SLC34A2: variants seen among roughly 807,000 people sequenced by gnomAD.
SLC34A2 encodes the protein solute carrier family 34 member 2.
SLC34A2 carries 41 observed loss-of-function variants against 50.8 expected under a neutral mutation model. The observed-to-expected ratio is 0.81, with a 90% CI of 0.63 to 1.05. SLC34A2 has a LOEUF of 1.05. Among genes scored for constraint, SLC34A2 ranks in the 50% least tolerant of loss-of-function variants. SLC34A2 has a pLI of 0.00. For missense variants in SLC34A2, 879 were observed against 876.7 expected, an observed-to-expected ratio of 1.00 and a Z score of -0.03; for synonymous variants, 401 against 364.2, an observed-to-expected ratio of 1.10 and a Z score of -1.15.
At chr4:25,673,849 G>A (rs1351339293) in intron 10 of SLC34A2, among the ~76,000 whole-genome samples, 2 of 152,194 alleles carry the variant, frequency 1.3e-5, no homozygotes, top group Admixed American at 1.3e-4. Context: ...GGAAATGCAG[G>A]GCCTGATCCG....
In SLC34A2 at chr4:25,676,427, C is replaced by G. The variant is rs758313049; in HGVS notation, c.1751C>G (p.Pro584Arg). Residue 584 changes from proline (P) to arginine (R), a missense_variant, in exon 13 of 13, where the codon CCG (proline) becomes CGG (arginine). Physicochemically the swap from Pro to Arg is moderately radical, Grantham distance 103. Coordinates refer to ENST00000382051, the MANE Select transcript of SLC34A2 (RefSeq NM_006424.3). Reference sequence around the variant, plus strand: ...CAGTCTCGCTGCCCACGCGTCCTGCCGAAGAAACTCCAGAACTGGAACTTC... The same window carrying G: ...CAGTCTCGCTGCCCACGCGTCCTGCGGAAGAAACTCCAGAACTGGAACTTC... ...LLQSRCPRVL[P>R]KKLQNWNFLP... The G allele has an allele frequency of 6.2e-6, 10 of 1,613,938 alleles. No homozygotes were observed. Among genetic ancestry groups the G allele is most frequent in the Admixed American group, 3.3e-5 (2 of 59,998 alleles).
chr4:25,667,100 A>C (rs538966855), intron 5 of SLC34A2: 1 of 152,370 alleles, frequency 6.6e-6, no homozygotes, highest in South Asian at 2.1e-4. Context: ...AGTTAGAAAA[A>C]GGTATTACAC....
At chr4:25,673,539 C>T (rs1484399754) in intron 10 of SLC34A2, among the ~76,000 whole-genome samples, 1 of 152,090 alleles carries the variant, frequency 6.6e-6, no homozygotes, top group African/African-American at 2.4e-5. Context: ...TTCCTGTATG[C>T]TCAGAGCTTT....
intron 7 of SLC34A2, 90 bp from the exon 8 acceptor site, chr4:25,670,648 T>C: frequency 4.2e-6 from 4 of 951,530 alleles, no homozygotes; most frequent in Non-Finnish European, 6.7e-6. Flanking sequence ...ATTTATCTCC[T>C]TAGAGCCCCT....
At chr4:25,664,942 C>T (rs964857901) in intron 4 of SLC34A2, 1 of 231,926 alleles carries the variant, frequency 4.3e-6, no homozygotes, top group Middle Eastern at 1.3e-3. Flanking sequence ...AACATTCTTT[C>T]CCAGAGCCCT....
chr4:25,662,447 G>A lies in SLC34A2; in HGVS notation c.-3-51G>A, dbSNP rs60286158. On this transcript the variant is annotated intron_variant, in intron 1 of 12. Coordinates refer to ENST00000382051, the MANE Select transcript of SLC34A2 (RefSeq NM_006424.3). ...ATGGTTCTTCCTCTTATAGCATCTC[G>A]GTGTGCCTCCTTTCCATGACTGCTG... 3.7e-3 allele frequency: 5,554 copies of A among 1,500,042 alleles called. 163 individuals carry two copies. In the African/African-American group the frequency reaches 0.065, roughly 18 times the overall value. 92.9% of individuals were successfully genotyped at this position (1,500,042 alleles called of 1,614,324 possible). A position where few individuals can be genotyped will look rare whatever the true frequency, so the allele number is the denominator to read the frequency against.
chr4:25,658,921 C>A (rs1577487943), intron 1 of SLC34A2, among the ~76,000 whole-genome samples: 1 of 147,270 alleles, frequency 6.8e-6, no homozygotes, highest in East Asian at 2.1e-4. Context: ...ACCCACCCCA[C>A]CCCCACCACC....
chr4:25,665,427 C>A (rs180724397), intron 4 of SLC34A2, among the ~76,000 whole-genome samples: 2 of 152,144 alleles, frequency 1.3e-5, no homozygotes, highest in East Asian at 3.9e-4. Context: ...CTCCGCCTCC[C>A]GAAGTGCTGG....
chr4:25,662,935 T>A, intron 3 of SLC34A2, 93 bp downstream of exon 3: 1 of 1,456,210 alleles, frequency 6.9e-7, no homozygotes, highest in South Asian at 1.2e-5. Flanking sequence ...TTCATTGTTC[T>A]GATTCCCTTG....
At chr4:25,675,129 T>G (rs1267273246) in intron 12 of SLC34A2, among the ~76,000 whole-genome samples, 1 of 152,076 alleles carries the variant, frequency 6.6e-6, no homozygotes, top group Admixed American at 6.6e-5. Context: ...CCTCCCAGGT[T>G]CAAGTGATTT....
intron 4 of SLC34A2, 60 bp downstream of exon 4, chr4:25,664,390 G>C (rs976379621): frequency 1.9e-6 from 3 of 1,600,508 alleles, no homozygotes; most frequent in South Asian, 1.1e-5. Context: ...ATGTGGTTCC[G>C]AGAGTAAAAC....
At position 25,676,808 on chromosome 4, in the gene SLC34A2, C is replaced by A; in HGVS notation, c.*59C>A. On this transcript the variant is annotated 3_prime_UTR_variant, in exon 13 of 13. Transcript: ENST00000382051. ...GTCCTTGAGTTTTGCATGCTCTCCTCCCTCCCACTTCTGCACCCTTTCACC... is the reference window on the plus strand; with the variant it reads ...GTCCTTGAGTTTTGCATGCTCTCCTACCTCCCACTTCTGCACCCTTTCACC... The A allele has an allele frequency of 1.2e-6, 2 of 1,609,984 alleles. No homozygotes were observed. Among genetic ancestry groups the A allele is most frequent in the Non-Finnish European group, 1.7e-6 (2 of 1,177,876 alleles).
chr4:25,673,330 C>A, intron 10 of SLC34A2, 76 bp downstream of exon 10: 1 of 1,325,580 alleles, frequency 7.5e-7, no homozygotes, highest in Non-Finnish European at 1.1e-6. Context: ...AGATTCCCAT[C>A]TAGCAATGGC....
chr4:25,661,320 TCCATCA>T lies in SLC34A2; in HGVS notation c.-3-1176_-3-1171del, dbSNP rs1391627469. On this transcript the variant is annotated intron_variant, in intron 1 of 12. Transcript: ENST00000382051. ...GGCACTGCTGGATTTTAAAACCAGG[TCCATCA>T]CTCTTTTCACAGAAGGCCTGGGTGG... Among the ~76,000 whole-genome samples the T allele has an allele frequency of 2.0e-5, 3 of 152,126 alleles. No individual in the cohort carries two copies. In the East Asian group the frequency reaches 5.8e-4, roughly 29 times the overall value.
intron 1 of SLC34A2, among the ~76,000 whole-genome samples, chr4:25,658,481 C>A (rs141186392): frequency 1.6e-4 from 24 of 152,308 alleles, no homozygotes; most frequent in South Asian, 1.0e-3. Context: ...CCAAACAATG[C>A]GAATGTAGGG....
intron 4 of SLC34A2, among the ~76,000 whole-genome samples, chr4:25,664,705 T>C (rs1714396328): frequency 6.6e-6 from 1 of 152,194 alleles, no homozygotes; most frequent in African/African-American, 2.4e-5. Context: ...CTTTCAAATA[T>C]GGGCCCTTGC....
intron 12 of SLC34A2, 69 bp downstream of exon 12, chr4:25,674,698 C>G: frequency 1.9e-6 from 3 of 1,595,250 alleles, no homozygotes; most frequent in East Asian, 4.5e-5. Flanking sequence ...AAACTGGTCT[C>G]TAACAAGAGC....
At chr4:25,667,776 T>C in intron 5 of SLC34A2, 104 bp from the exon 6 acceptor site, 3 of 757,306 alleles carry the variant, frequency 4.0e-6, no homozygotes, top group Non-Finnish European at 7.1e-6. Flanking sequence ...TTCACTTGCA[T>C]AGAGGATAAA....
rs765975386 is a variant in SLC34A2, at chr4:25,676,607, G to A, written c.1931G>A (p.Cys644Tyr). ...CCCAAGTGCTGCCGCTGCAGCAAGT[G>A]CTGCGAGGACTTGGAGGAGGCGCAG... ...DCPKCCRCSK[C>Y]CEDLEEAQEG... is the part of the protein sequence containing the mutation. The change falls in exon 13 of 13, where the codon TGC becomes TAC. Residue 644 changes from cysteine to tyrosine, a missense_variant. Cys to Tyr is a radical substitution (Grantham distance 194, BLOSUM62 -2). Transcript: ENST00000382051. The A allele has an allele frequency of 6.2e-7, 1 of 1,613,888 alleles. No individual in the cohort carries two copies. The highest frequency in any genetic ancestry group is 8.5e-7 in the Non-Finnish European group (1 of 1,179,788).
Sources: allele counts gnomAD v4.1 joint callset (sites outside exome capture counted in the v4.1 genomes callset), GRCh38; gene constraint gnomAD v4.1.1; transcripts MANE v1.5; gene names NCBI Gene and HGNC (gene_info 2026-07-23, HGNC 2026-07-21).